Variants in SFMBT2 observed in about 807,000 individuals in gnomAD.
The protein encoded by SFMBT2 is Scm like with four mbt domains 2.
A neutral mutation model predicts 110.1 loss-of-function variants in SFMBT2; 38 were observed. That is an observed-to-expected ratio of 0.35 (90% CI 0.27 to 0.45). The LOEUF is 0.45. Among genes scored for constraint, SFMBT2 ranks in the 20% least tolerant of loss-of-function variants. The pLI is 1.00. For synonymous variants in SFMBT2, 425 were observed against 425.4 expected (o/e 1.00, Z 0.01); for missense variants, 1,011 against 1,094.9 (o/e 0.92, Z 1.08).
intron 4 of SFMBT2, among the ~76,000 whole-genome samples, chr10:7,347,464 A>G (rs540417634): frequency 5.3e-4 from 81 of 152,316 alleles, no homozygotes; most frequent in African/African-American, 1.7e-3. Flanking sequence ...CCTCAGGAAA[A>G]GGGGAAATTT....
chr10:7,172,702 AC>A lies in SFMBT2; in HGVS notation c.1985-42del. On this transcript the variant is annotated intron_variant, in intron 17 of 20. Coordinates refer to ENST00000397167, the MANE Select transcript of SFMBT2 (RefSeq NM_001387889.1). This position sits in a 1 kb window ranked among gnomAD's most constrained non-coding sequence, Gnocchi z 4.6. The stretch of plus-strand genomic sequence containing the variant: ...TGAGAAACTTTTGAAGGCTATACAC[AC>A]ACACAGACATGAACAGAGAGAGGAG... 1 of 1,577,374 alleles carries A rather than the reference AC, an allele frequency of 6.3e-7. No individual in the cohort carries two copies. The highest frequency in any genetic ancestry group is 8.6e-7 in the Non-Finnish European group (1 of 1,157,684).
intron 1 of SFMBT2, among the ~76,000 whole-genome samples, chr10:7,403,550 G>T (rs946437999): frequency 1.3e-5 from 2 of 152,174 alleles, no homozygotes; most frequent in Non-Finnish European, 2.9e-5. Flanking sequence ...GCTGAGGGGG[G>T]AGAATTGCTT....
chr10:7,348,150 A>T, intron 4 of SFMBT2: 1 of 587,894 alleles, frequency 1.7e-6, no homozygotes, highest in Non-Finnish European at 2.7e-6. Flanking sequence ...AGAAGTTCTA[A>T]AAACATTTTA....
chr10:7,387,032 T>C (rs1183847560), intron 1 of SFMBT2, among the ~76,000 whole-genome samples: 1 of 152,192 alleles, frequency 6.6e-6, no homozygotes, highest in Non-Finnish European at 1.5e-5. Context: ...TTTCCCATAA[T>C]GCAGCTATGA....
At chr10:7,257,834 G>A (rs1297955645) in intron 7 of SFMBT2, among the ~76,000 whole-genome samples, 2 of 152,200 alleles carry the variant, frequency 1.3e-5, no homozygotes, top group Non-Finnish European at 2.9e-5. Context: ...AGGCACAGGG[G>A]AGAACAAGTT....
Position 7,198,111 on chromosome 10 carries a change from A to G in SFMBT2, c.1559-424T>C, listed in dbSNP as rs146499619. 437 of 985,382 alleles carry G rather than the reference A, an allele frequency of 4.4e-4. 1 individual carries two copies. In the African/African-American group the frequency reaches 5.9e-3, roughly 13 times the overall value. The allele number at this position is 985,382 out of a possible 1,614,324, so 61.0% of individuals were successfully genotyped here. The stretch of plus-strand genomic sequence containing the variant: ...AACTTCACCACACACAGAAGCATGC[A>G]TGTGCCTACAAACAATATATGATAT... On this transcript the variant is annotated intron_variant, in intron 14 of 20. Transcript: ENST00000397167.
intron 9 of SFMBT2, among the ~76,000 whole-genome samples, chr10:7,230,924 T>C (rs1840098395): frequency 6.6e-6 from 1 of 152,040 alleles, no homozygotes; most frequent in Non-Finnish European, 1.5e-5. Flanking sequence ...AGAGCAAGAC[T>C]CTGTCTCTCA....
rs138162734 is a variant in SFMBT2, at chr10:7,275,210, G to C, written c.870+1682C>G. Among the ~76,000 whole-genome samples the C allele has an allele frequency of 6.7e-3, 1,017 of 152,352 alleles. 15 individuals carry two copies. Among genetic ancestry groups the C allele is most frequent in the African/African-American group, 0.022 (921 of 41,584 alleles). On this transcript the variant is annotated intron_variant, in intron 7 of 20. Transcript: ENST00000397167. ...GGCTTAGACCGGAGGGTGGGCATCT[G>C]TAATTTCCCATTGGCTCACTCCTTC...
chr10:7,227,965 A>G, intron 9 of SFMBT2, 28 bp from the exon 10 acceptor site: 2 of 1,535,330 alleles, frequency 1.3e-6, no homozygotes, highest in East Asian at 2.4e-5. Context: ...CAGATAAAAC[A>G]GCGCACATTA....
At chr10:7,257,492 C>A (rs960859519) in intron 7 of SFMBT2, among the ~76,000 whole-genome samples, 13 of 152,222 alleles carry the variant, frequency 8.5e-5, no homozygotes, top group African/African-American at 3.1e-4. Flanking sequence ...ATGTCTCTGG[C>A]AGGTGCCAAA....
At chr10:7,287,526 C>T (rs1842130724) in intron 4 of SFMBT2, among the ~76,000 whole-genome samples, 1 of 152,208 alleles carries the variant, frequency 6.6e-6, no homozygotes, top group African/African-American at 2.4e-5. Flanking sequence ...ACCTGCATCC[C>T]TGAGGGACCT....
At chr10:7,214,561 A>G (rs1436392273) in intron 11 of SFMBT2, 7 of 985,336 alleles carry the variant, frequency 7.1e-6, no homozygotes, top group Non-Finnish European at 8.4e-6. Flanking sequence ...AGGAAATTCT[A>G]CGGACTTATG....
chr10:7,275,441 TG>T (rs1490219157), intron 7 of SFMBT2, among the ~76,000 whole-genome samples: 1 of 151,986 alleles, frequency 6.6e-6, no homozygotes, highest in African/African-American at 2.4e-5. Flanking sequence ...TCATCGTTTT[TG>T]TAAGGGCAGG....
intron 4 of SFMBT2, among the ~76,000 whole-genome samples, chr10:7,366,703 T>C (rs191398605): frequency 3.9e-5 from 6 of 152,360 alleles, no homozygotes; most frequent in Admixed American, 2.0e-4. Flanking sequence ...CTCAGTTTTC[T>C]CACTTAGGGG....
chr10:7,334,632 A>G (rs1222397590), intron 4 of SFMBT2, among the ~76,000 whole-genome samples: 2 of 152,160 alleles, frequency 1.3e-5, no homozygotes, highest in East Asian at 3.9e-4. Flanking sequence ...GACATTAACT[A>G]AAGCATTATT....
At position 7,163,463 on chromosome 10, in the gene SFMBT2, C is replaced by T. The variant is rs1015202568; in HGVS notation, c.*307G>A. On this transcript the variant is annotated 3_prime_UTR_variant, in exon 21 of 21. Coordinates refer to ENST00000397167, the MANE Select transcript of SFMBT2 (RefSeq NM_001387889.1). This position sits in a 1 kb window ranked among gnomAD's most constrained non-coding sequence, Gnocchi z 4.8. ...AGTCCTCATCTGAGGAAACCCTGCT[C>T]CAAGGGAGCTGCCTGATTTGGGGCA... The T allele has an allele frequency of 3.1e-6, 1 of 325,616 alleles. No individual in the cohort carries two copies. Among genetic ancestry groups the T allele is most frequent in the Non-Finnish European group, 5.7e-6 (1 of 175,250 alleles). 20.2% of individuals were successfully genotyped at this position (325,616 alleles called of 1,614,324 possible). A position where few individuals can be genotyped will look rare whatever the true frequency, so the allele number is the denominator to read the frequency against.
chr10:7,212,493 G>A (rs1304196814), intron 11 of SFMBT2, among the ~76,000 whole-genome samples: 2 of 152,200 alleles, frequency 1.3e-5, no homozygotes, highest in Non-Finnish European at 2.9e-5. Context: ...GCAGACACAA[G>A]TGCTCCTTTC....
chr10:7,342,402 T>C (rs1041380778), intron 4 of SFMBT2, among the ~76,000 whole-genome samples: 1,886 of 75,276 alleles, frequency 0.025, 21 homozygotes, highest in South Asian at 0.078. Flanking sequence ...GAGTCTTTTT[T>C]TTTTTTTTTT....
intron 4 of SFMBT2, among the ~76,000 whole-genome samples, chr10:7,305,857 C>G (rs76154761): frequency 0.041 from 6,269 of 152,282 alleles, 429 homozygotes; most frequent in African/African-American, 0.14. Flanking sequence ...TCCCTCTTTC[C>G]TCATTCAGAA....
Sources: allele counts gnomAD v4.1 joint callset (sites outside exome capture counted in the v4.1 genomes callset), GRCh38; gene constraint gnomAD v4.1.1; non-coding constraint Gnocchi (gnomAD v3.1); transcripts MANE v1.5; gene names NCBI Gene and HGNC (gene_info 2026-07-23, HGNC 2026-07-21).